Variants in NRXN3 observed in about 807,000 individuals in gnomAD.
NRXN3 encodes the protein neurexin III.
Under a neutral mutation model 137.6 loss-of-function variants are expected in NRXN3, and 32 were observed. The ratio of observed to expected loss-of-function variants is 0.23; its 90% CI spans 0.18 to 0.31. The LOEUF (loss-of-function observed/expected upper bound fraction) is 0.31, where lower values mean the gene tolerates loss of function less well. NRXN3 is among the 10% of genes least tolerant of loss of function. The pLI, the probability that NRXN3 is intolerant of heterozygous loss-of-function variation, is 1.00. For synonymous variants in NRXN3, 798 were observed against 784.5 expected (o/e 1.02, Z -0.29); for missense variants, 1,574 against 2,062.5 (o/e 0.76, Z 4.59).
intron 15 of NRXN3, among the ~76,000 whole-genome samples, chr14:79,272,233 T>TC (rs398025871): frequency 2.0e-5 from 3 of 150,280 alleles, no homozygotes; most frequent in Admixed American, 6.6e-5. Context: ...TTTTTTTTTT[T>TC]CCTGTTAGTT....
chr14:78,183,433 G>A (rs1168776379), intron 1 of NRXN3, among the ~76,000 whole-genome samples: 17 of 152,180 alleles, frequency 1.1e-4, no homozygotes, highest in Non-Finnish European at 7.3e-5. Context: ...AGATGTGAGT[G>A]TAGGTAGGAA....
chr14:79,574,023 G>A (rs909220839), intron 16 of NRXN3, among the ~76,000 whole-genome samples: 2 of 151,852 alleles, frequency 1.3e-5, no homozygotes, highest in African/African-American at 4.8e-5. Flanking sequence ...TCTAATCACA[G>A]CCACACATTT....
chr14:78,631,904 A>T (rs117722327), intron 4 of NRXN3, among the ~76,000 whole-genome samples: 1,609 of 152,108 alleles, frequency 0.011, 12 homozygotes, highest in Non-Finnish European at 0.018. Flanking sequence ...TCAGGAGATC[A>T]AGACCATCCT....
chr14:79,353,936 T>C (rs553552161), intron 15 of NRXN3, among the ~76,000 whole-genome samples: 225 of 152,282 alleles, frequency 1.5e-3, no homozygotes, highest in African/African-American at 5.2e-3. Context: ...GATAAGGCAA[T>C]GGGCAAATCT....
intron 16 of NRXN3, among the ~76,000 whole-genome samples, chr14:79,554,241 G>A (rs1049320337): frequency 1.3e-5 from 2 of 152,110 alleles, no homozygotes; most frequent in Admixed American, 6.6e-5. Flanking sequence ...CACAAACTTG[G>A]TAGGGAAAAG....
chr14:79,800,448 A>G (rs1365001524), intron 19 of NRXN3, among the ~76,000 whole-genome samples: 1 of 152,244 alleles, frequency 6.6e-6, no homozygotes, highest in Non-Finnish European at 1.5e-5. Flanking sequence ...GAGTCTAGAT[A>G]GTCTAGATAT....
rs11419735 is a variant in NRXN3 at position 79,590,416 on chromosome 14, T to TAAA, written c.3445-73342_3445-73340dup. Among the ~76,000 whole-genome samples the TAAA allele has an allele frequency of 0.013, 1,162 of 92,248 alleles. 118 individuals carry two copies. In the East Asian group the frequency reaches 0.24, roughly 19 times the overall value. The allele number at this position is 92,248 out of a possible 152,430, so 60.5% of individuals were successfully genotyped here. A position where few individuals can be genotyped will look rare whatever the true frequency, so the allele number is the denominator to read the frequency against. On this transcript the variant is annotated intron_variant, in intron 16 of 20. Transcript: ENST00000335750. Reference sequence around the variant, plus strand: ...TCCATTAAACCTTTCTTTCTTTTGTTAAAAAAAAAAAAAAAAAAAAAAGAT... The same window carrying TAAA: ...TCCATTAAACCTTTCTTTCTTTTGTTAAAAAAAAAAAAAAAAAAAAAAAAAGAT...
At chr14:78,743,780 G>A (rs1261118970) in intron 8 of NRXN3, among the ~76,000 whole-genome samples, 4 of 152,152 alleles carry the variant, frequency 2.6e-5, no homozygotes, top group African/African-American at 4.8e-5. Flanking sequence ...TCTTTATTCC[G>A]AAGGCAATGG....
At chr14:79,125,102 C>T (rs2056165738) in intron 15 of NRXN3, among the ~76,000 whole-genome samples, 1 of 151,784 alleles carries the variant, frequency 6.6e-6, no homozygotes. Flanking sequence ...TATTTACGTA[C>T]TTAAACTATT....
intron 19 of NRXN3, among the ~76,000 whole-genome samples, chr14:79,796,602 C>G (rs2099161665): frequency 6.6e-6 from 1 of 152,070 alleles, no homozygotes; most frequent in South Asian, 2.1e-4. Flanking sequence ...AATAAAGGAT[C>G]CCAATCCTCG....
chr14:79,783,306 A>G lies in NRXN3; in HGVS notation c.4015-21806A>G, dbSNP rs547942627. Among the ~76,000 whole-genome samples, 12 of 152,316 alleles carry G rather than the reference A, an allele frequency of 7.9e-5. No individual in the cohort carries two copies. In the South Asian group the frequency reaches 2.5e-3, roughly 32 times the overall value. The stretch of plus-strand genomic sequence containing the variant: ...TTCAGCTAACTGATCATTAACTAGG[A>G]GGAAATGTGTGACCCAGAAGGTCAT... On this transcript the variant is annotated intron_variant, in intron 19 of 20. Transcript: ENST00000335750.
chr14:79,378,169 T>C (rs2094360797), intron 15 of NRXN3, among the ~76,000 whole-genome samples: 1 of 152,234 alleles, frequency 6.6e-6, no homozygotes, highest in Non-Finnish European at 1.5e-5. Context: ...TCATTACCAG[T>C]TTCTTTCATT....
At chr14:78,907,456 A>T (rs557160575) in intron 10 of NRXN3, among the ~76,000 whole-genome samples, 1 of 152,152 alleles carries the variant, frequency 6.6e-6, no homozygotes, top group African/African-American at 2.4e-5. Flanking sequence ...CAAATGTTTA[A>T]CATTACTATT....
At chr14:78,565,705 T>C (rs965138407) in intron 4 of NRXN3, among the ~76,000 whole-genome samples, 1 of 152,188 alleles carries the variant, frequency 6.6e-6, no homozygotes, top group African/African-American at 2.4e-5. Flanking sequence ...TGTCAGGAAT[T>C]AGGCAGGCAA....
At chr14:79,695,637 GAA>G (rs10585470) in intron 18 of NRXN3, among the ~76,000 whole-genome samples, 4,039 of 88,154 alleles carry the variant, frequency 0.046, 158 homozygotes, top group African/African-American at 0.13. Flanking sequence ...AGGGCTTCCA[GAA>G]AAAAAAAAAA....
intron 1 of NRXN3, among the ~76,000 whole-genome samples, chr14:78,206,511 T>G (rs2062198840): frequency 6.6e-6 from 1 of 152,026 alleles, no homozygotes; most frequent in African/African-American, 2.4e-5. Context: ...CTTCTCTCTC[T>G]GTAAATAAAG....
At chr14:79,032,872 T>C (rs1233322767) in intron 15 of NRXN3, among the ~76,000 whole-genome samples, 1 of 152,162 alleles carries the variant, frequency 6.6e-6, no homozygotes, top group African/African-American at 2.4e-5. Flanking sequence ...GGTTCAGTTA[T>C]TTTATCTGTG....
At chr14:79,781,723 C>A (rs1037051726) in intron 19 of NRXN3, among the ~76,000 whole-genome samples, 1 of 152,180 alleles carries the variant, frequency 6.6e-6, no homozygotes, top group African/African-American at 2.4e-5. Context: ...AAGCAGCTTT[C>A]CATATAAATC....
At position 78,402,479 on chromosome 14, in the gene NRXN3, A is replaced by G. The variant is rs144758159; in HGVS notation, c.757+104619A>G. On this transcript the variant is annotated intron_variant, in intron 4 of 20. Transcript: ENST00000335750. ...GCCGTTTGTTCTTTTAAGAATCTTTACCATTCCTTCTAAGACTTTGGAGCG... is the reference window on the plus strand; with the variant it reads ...GCCGTTTGTTCTTTTAAGAATCTTTGCCATTCCTTCTAAGACTTTGGAGCG... 2.7e-3 allele frequency among the ~76,000 whole-genome samples: 410 copies of G among 152,310 alleles called. 3 individuals carry two copies. Among genetic ancestry groups the G allele is most frequent in the African/African-American group, 9.3e-3 (387 of 41,578 alleles).
Sources: gnomAD v4.1 joint callset for allele counts (sites outside exome capture counted in the v4.1 genomes callset) on GRCh38, gnomAD v4.1.1 for gene constraint, MANE v1.5 for transcripts, NCBI Gene and HGNC (gene_info 2026-07-23, HGNC 2026-07-21) for gene names.